Variants in ADAM7 observed in about 807,000 individuals in gnomAD.
ADAM7 encodes the protein disintegrin and metalloproteinase domain-containing protein 7.
ADAM7 carries 97 observed loss-of-function variants against 102.9 expected under a neutral mutation model. That is an observed-to-expected ratio of 0.94 (90% CI 0.80 to 1.12). ADAM7 has a LOEUF of 1.12. ADAM7 is among the 50% of genes most tolerant of loss of function. The pLI is 0.00. For missense variants in ADAM7, 991 were observed against 908.7 expected (o/e 1.09, Z -1.16); for synonymous variants, 334 against 304.4 (o/e 1.10, Z -1.01).
intron 7 of ADAM7, among the ~76,000 whole-genome samples, chr8:24,472,874 TA>T (rs1819652104): frequency 1.3e-5 from 2 of 151,952 alleles, no homozygotes; most frequent in Non-Finnish European, 2.9e-5. Flanking sequence ...CAATGCTGAT[TA>T]AAAAATATAG....
intron 14 of ADAM7, 121 bp downstream of exon 14, chr8:24,492,219 T>A: frequency 9.9e-7 from 1 of 1,010,674 alleles, no homozygotes; most frequent in East Asian, 2.4e-5. Flanking sequence ...TCCAAGATAT[T>A]GCTTAGCATT....
intron 4 of ADAM7, among the ~76,000 whole-genome samples, chr8:24,464,975 CG>C (rs1226745712): frequency 6.6e-6 from 1 of 151,902 alleles, no homozygotes; most frequent in African/African-American, 2.4e-5. Flanking sequence ...TTAGTAGAGG[CG>C]GGGTTTCACC....
Position 24,500,201 on chromosome 8 carries a change from C to G in ADAM7, c.1947C>G (p.Cys649Trp). Residue 649 changes from cysteine (C) to tryptophan (W), a missense_variant, in exon 18 of 22, where the codon TGC becomes TGG. Coordinates refer to ENST00000175238, the MANE Select transcript of ADAM7 (RefSeq NM_003817.4). ...ENPVDGHGLQCHCEEGQAPVA... is the reference protein window; with the variant it reads ...ENPVDGHGLQWHCEEGQAPVA... ...AGGTGGATGGCCACGGACTCCAGTG[C>G]CACTGTGAGGAAGGACAGGCACCTG... 4 of 1,611,680 alleles carry G rather than the reference C, an allele frequency of 2.5e-6. No homozygotes were observed. The highest frequency in any genetic ancestry group is 1.1e-5 in the South Asian group (1 of 90,854).
At chr8:24,474,474 T>C (rs1439231385) in intron 7 of ADAM7, among the ~76,000 whole-genome samples, 1 of 152,192 alleles carries the variant, frequency 6.6e-6, no homozygotes. Context: ...TTAAAATATT[T>C]AAGGTTTTCT....
At chr8:24,508,468 TATAA>T in intron 21 of ADAM7, 74 bp from the exon 22 acceptor site, 1 of 1,418,762 alleles carries the variant, frequency 7.0e-7, no homozygotes, top group Non-Finnish European at 1.0e-6. Context: ...AATTAGTAGA[TATAA>T]ATGAGTAATG....
intron 8 of ADAM7, among the ~76,000 whole-genome samples, chr8:24,477,090 A>C (rs1201884425): frequency 6.6e-6 from 1 of 152,196 alleles, no homozygotes; most frequent in Non-Finnish European, 1.5e-5. Flanking sequence ...AATGGTTACT[A>C]ATTCACCAGT....
intron 3 of ADAM7, among the ~76,000 whole-genome samples, chr8:24,454,448 C>T (rs1393846600): frequency 1.3e-5 from 2 of 152,150 alleles, no homozygotes; most frequent in Non-Finnish European, 2.9e-5. Flanking sequence ...GGCGTAAGAC[C>T]CTCCGAGCCA....
chr8:24,492,395 C>A, intron 14 of ADAM7, 100 bp from the exon 15 acceptor site: 2 of 878,172 alleles, frequency 2.3e-6, no homozygotes, highest in Non-Finnish European at 3.5e-6. Context: ...TTCACTATGA[C>A]ATGATTCTGA....
At chr8:24,444,736 G>C (rs1269328287) in intron 2 of ADAM7, among the ~76,000 whole-genome samples, 2 of 151,408 alleles carry the variant, frequency 1.3e-5, no homozygotes, top group Admixed American at 6.6e-5. Flanking sequence ...GACTTCAGGA[G>C]GCTAAGGAGA....
At chr8:24,502,049 G>A (rs578169103) in intron 20 of ADAM7, among the ~76,000 whole-genome samples, 10 of 151,998 alleles carry the variant, frequency 6.6e-5, no homozygotes, top group African/African-American at 2.4e-4. Flanking sequence ...AAACAAGAAA[G>A]AAAAGAATTG....
intron 3 of ADAM7, among the ~76,000 whole-genome samples, chr8:24,449,474 G>C (rs4872237): frequency 5.6e-4 from 85 of 152,110 alleles, no homozygotes; most frequent in Non-Finnish European, 1.0e-3. Context: ...TCTGTTCATG[G>C]CCTTAGCCCA....
At chr8:24,476,093 G>T (rs1819760293) in intron 7 of ADAM7, 1 of 388,670 alleles carries the variant, frequency 2.6e-6, no homozygotes, top group Non-Finnish European at 5.0e-6. Context: ...TAATAGGTTT[G>T]TTTCATCAAT....
At chr8:24,451,186 C>T (rs1164447484) in intron 3 of ADAM7, among the ~76,000 whole-genome samples, 2 of 151,580 alleles carry the variant, frequency 1.3e-5, no homozygotes, top group Non-Finnish European at 2.9e-5. Context: ...GGGAGGATTC[C>T]CTCTTTTTCT....
rs145976788 is a variant in ADAM7, at chr8:24,455,641, A to T, written c.234-8241A>T. Among the ~76,000 whole-genome samples, 4 of 152,352 alleles carry T rather than the reference A, an allele frequency of 2.6e-5. No individual in the cohort carries two copies. In the East Asian group the frequency reaches 7.7e-4, roughly 29 times the overall value. ...GGCTGGTCTGAAACTCTTAGGTTCA[A>T]GCAGTCCTCCTGCCTTGGCCTCCCA... On this transcript the variant is annotated intron_variant, in intron 3 of 21. Transcript: ENST00000175238.
intron 10 of ADAM7, among the ~76,000 whole-genome samples, chr8:24,486,651 A>G (rs1346864793): frequency 1.3e-5 from 2 of 152,264 alleles, no homozygotes; most frequent in African/African-American, 4.8e-5. Context: ...GTGTCTGGTG[A>G]AGCCCTGTCT....
At chr8:24,450,180 T>C (rs1818727619) in intron 3 of ADAM7, among the ~76,000 whole-genome samples, 1 of 152,214 alleles carries the variant, frequency 6.6e-6, no homozygotes, top group Admixed American at 6.5e-5. Flanking sequence ...TTTCCAATTC[T>C]GTGAAGAAAG....
At chr8:24,490,617 G>C (rs543322016) in intron 12 of ADAM7, 182 bp from the exon 13 acceptor site, 2 of 583,790 alleles carry the variant, frequency 3.4e-6, no homozygotes, top group Non-Finnish European at 6.1e-6. Flanking sequence ...ACGAGAGAAG[G>C]AGAAATAGTT....
At chr8:24,494,986 C>G (rs562317389) in intron 16 of ADAM7, among the ~76,000 whole-genome samples, 47 of 152,284 alleles carry the variant, frequency 3.1e-4, no homozygotes, top group African/African-American at 1.0e-3. Context: ...TGCCCTGGCT[C>G]CAGACAGGGT....
intron 3 of ADAM7, among the ~76,000 whole-genome samples, chr8:24,463,364 ACCACTGCAATGGTAGGGTCTTG>A (rs1281903475): frequency 6.6e-6 from 1 of 152,134 alleles, no homozygotes; most frequent in Admixed American, 6.5e-5. Flanking sequence ...AGATATAGAG[ACCACTGCAATGGTAGGGTCTTG>A]CCATGGGGGA....
Sources: allele counts gnomAD v4.1 joint callset (sites outside exome capture counted in the v4.1 genomes callset), GRCh38; gene constraint gnomAD v4.1.1; transcripts MANE v1.5; gene names NCBI Gene and HGNC (gene_info 2026-07-23, HGNC 2026-07-21).